KIF20B: variants seen among roughly 807,000 people sequenced by gnomAD.
The protein encoded by KIF20B is kinesin-like protein KIF20B.
In KIF20B, 188 loss-of-function variants were observed where a neutral mutation model predicts 232.5. That is an observed-to-expected ratio of 0.81 (90% CI 0.72 to 0.91). KIF20B has a LOEUF of 0.91. KIF20B is among the 40% of genes least tolerant of loss of function. The pLI, the probability that KIF20B is intolerant of heterozygous loss-of-function variation, is 0.00. For missense variants in KIF20B, 2,154 were observed against 2,055.9 expected, an observed-to-expected ratio of 1.05 and a Z score of -0.92; for synonymous variants, 712 against 683.0, an observed-to-expected ratio of 1.04 and a Z score of -0.66.
chr10:89,739,166 C>A, intron 21 of KIF20B, 70 bp downstream of exon 21: 2 of 1,476,090 alleles, frequency 1.4e-6, no homozygotes, highest in Admixed American at 2.0e-5. Context: ...CAAACTTAGA[C>A]ATTAATCTTA....
chr10:89,752,583 G>T lies in KIF20B; in HGVS notation c.4239G>T (p.Lys1413Asn). Residue 1413 changes from lysine (K) to asparagine (N), a missense_variant, in exon 25 of 33, where the codon AAG (lysine) becomes AAT (asparagine). Coordinates refer to ENST00000371728, the MANE Select transcript of KIF20B (RefSeq NM_001284259.2). ...TCAAATCAGAATTGGAAAAATGGAA[G>T]GAAAAATGCAATGATTTGGAAACCA... ...ERLATELEKW[K>N]EKCNDLETKN... 6.3e-7 allele frequency: 1 copy of T among 1,597,516 alleles called. No homozygotes were observed. Among genetic ancestry groups the T allele is most frequent in the South Asian group, 1.1e-5 (1 of 88,620 alleles).
chr10:89,751,681 C>T (rs1032326100), intron 24 of KIF20B, among the ~76,000 whole-genome samples: 1 of 151,908 alleles, frequency 6.6e-6, no homozygotes, highest in Non-Finnish European at 1.5e-5. Flanking sequence ...AGTAAGGACA[C>T]TGCATGATAA....
chr10:89,732,556 A>C (rs959551568), intron 18 of KIF20B, among the ~76,000 whole-genome samples: 2 of 152,226 alleles, frequency 1.3e-5, no homozygotes, highest in Admixed American at 1.3e-4. Context: ...AGCTAAGGGC[A>C]AAACTATTTT....
chr10:89,715,903 A>G (rs895969383), intron 8 of KIF20B, among the ~76,000 whole-genome samples: 2 of 152,150 alleles, frequency 1.3e-5, no homozygotes, highest in African/African-American at 4.8e-5. Flanking sequence ...AGGCAGGAGG[A>G]TCACTTGAGC....
At chr10:89,767,758 G>A (rs965985991) in intron 29 of KIF20B, among the ~76,000 whole-genome samples, 9 of 151,894 alleles carry the variant, frequency 5.9e-5, no homozygotes, top group East Asian at 1.9e-4. Context: ...TTGAAGTTTC[G>A]TTTTTATTTT....
At chr10:89,707,602 C>T (rs1205857952) in intron 2 of KIF20B, among the ~76,000 whole-genome samples, 2 of 146,296 alleles carry the variant, frequency 1.4e-5, no homozygotes, top group African/African-American at 5.1e-5. Flanking sequence ...TTCCTTTTCT[C>T]TTCCCTTTTT....
intron 21 of KIF20B, among the ~76,000 whole-genome samples, chr10:89,740,837 A>G (rs1242486758): frequency 6.6e-6 from 1 of 151,872 alleles, no homozygotes; most frequent in Non-Finnish European, 1.5e-5. Context: ...TTTTAAATTT[A>G]TTGTATTGTT....
chr10:89,750,372 G>A (rs1441782964), intron 23 of KIF20B, among the ~76,000 whole-genome samples: 2 of 152,108 alleles, frequency 1.3e-5, no homozygotes, highest in Non-Finnish European at 2.9e-5. Flanking sequence ...ATGATAATAT[G>A]AAGGTGACTT....
intron 16 of KIF20B, among the ~76,000 whole-genome samples, chr10:89,726,729 A>G (rs1053869643): frequency 6.6e-6 from 1 of 152,158 alleles, no homozygotes; most frequent in Admixed American, 6.5e-5. Flanking sequence ...TTTTAGACCA[A>G]TATTATTAGA....
intron 26 of KIF20B, among the ~76,000 whole-genome samples, chr10:89,756,965 A>G (rs1276916565): frequency 6.7e-6 from 1 of 149,948 alleles, no homozygotes; most frequent in Non-Finnish European, 1.5e-5. Context: ...TTATGAATAA[A>G]TTTTCCTATA....
intron 21 of KIF20B, among the ~76,000 whole-genome samples, chr10:89,742,743 A>G (rs1589870679): frequency 8.1e-6 from 1 of 122,820 alleles, no homozygotes. Context: ...TCTGTTGCCC[A>G]GGCTGGAGTG....
At chr10:89,719,283 C>T in intron 12 of KIF20B, 136 bp from the exon 13 acceptor site, 2 of 607,652 alleles carry the variant, frequency 3.3e-6, no homozygotes, top group South Asian at 2.9e-5. Context: ...GATGGTGATT[C>T]CTGTTTGTAT....
chr10:89,756,678 C>T (rs1322154203), intron 26 of KIF20B, among the ~76,000 whole-genome samples: 3 of 152,176 alleles, frequency 2.0e-5, no homozygotes, highest in Non-Finnish European at 4.4e-5. Context: ...GCTCCTTCTT[C>T]TGCCTCTTTT....
intron 26 of KIF20B, among the ~76,000 whole-genome samples, chr10:89,755,418 C>T (rs76084251): frequency 0.028 from 2,988 of 107,106 alleles, 155 homozygotes; most frequent in African/African-American, 0.097. Context: ...TCCTTTCCTT[C>T]CCTCCCCTCC....
At chr10:89,719,235 T>G (rs896186610) in intron 12 of KIF20B, among the ~76,000 whole-genome samples, 184 bp from the exon 13 acceptor site, 11 of 152,192 alleles carry the variant, frequency 7.2e-5, no homozygotes, top group African/African-American at 2.4e-4. Context: ...AGTTTACATG[T>G]GTAAGTAGCT....
At chr10:89,719,160 G>T (rs367786233) in intron 12 of KIF20B, among the ~76,000 whole-genome samples, 13 of 152,146 alleles carry the variant, frequency 8.5e-5, no homozygotes, top group African/African-American at 2.9e-4. Context: ...ACTTCTGGGT[G>T]ATTGGAAAAC....
rs961830960 is a variant in KIF20B at position 89,774,720 on chromosome 10, CAAGT to C, written c.*677_*680del. The C allele has an allele frequency of 5.9e-5, 9 of 151,906 alleles. No homozygotes were observed. Among genetic ancestry groups the C allele is most frequent in the African/African-American group, 2.2e-4 (9 of 41,388 alleles). The allele number at this position is 151,906 out of a possible 1,614,324, so 9.4% of individuals were successfully genotyped here. On this transcript the variant is annotated 3_prime_UTR_variant, in exon 33 of 33. Transcript: ENST00000371728. ...ATTCTTTAGATCATTTAAAAATATA[CAAGT>C]AAGTTATTATTGATTATAGTCACTC... is the stretch of plus-strand genomic sequence containing the variant.
chr10:89,735,881 C>T (rs888082209), intron 19 of KIF20B, among the ~76,000 whole-genome samples: 4 of 152,076 alleles, frequency 2.6e-5, no homozygotes, highest in Non-Finnish European at 1.5e-5. Context: ...CAAGCCAAAC[C>T]TACATTATAA....
chr10:89,734,430 TG>T (rs923970764), intron 19 of KIF20B, among the ~76,000 whole-genome samples: 2 of 151,798 alleles, frequency 1.3e-5, no homozygotes, highest in Admixed American at 6.6e-5. Flanking sequence ...AAAGTGGTGG[TG>T]GGGGGTCATA....
Sources: gnomAD v4.1 joint callset for allele counts (sites outside exome capture counted in the v4.1 genomes callset) on GRCh38, gnomAD v4.1.1 for gene constraint, MANE v1.5 for transcripts, NCBI Gene and HGNC (gene_info 2026-07-23, HGNC 2026-07-21) for gene names.